The following RBFOX3 variants were observed in gnomAD, a reference collection of about 807,000 sequenced individuals.
RBFOX3 encodes RNA binding fox-1 homolog 3.
A neutral mutation model predicts 48.7 loss-of-function variants in RBFOX3; 17 were observed. The observed-to-expected ratio is 0.35, with a 90% CI of 0.24 to 0.52. The LOEUF (loss-of-function observed/expected upper bound fraction) is 0.52, where lower values mean the gene tolerates loss of function less well. Among genes scored for constraint, RBFOX3 ranks in the 20% least tolerant of loss-of-function variants. The pLI, the probability that RBFOX3 is intolerant of heterozygous loss-of-function variation, is 0.94. For missense variants in RBFOX3, 382 were observed against 497.5 expected, an observed-to-expected ratio of 0.77 and a Z score of 2.21; for synonymous variants, 212 against 209.5, an observed-to-expected ratio of 1.01 and a Z score of -0.10.
intron 4 of RBFOX3, among the ~76,000 whole-genome samples, chr17:79,222,634 A>G (rs1236494773): frequency 1.3e-5 from 2 of 152,200 alleles, no homozygotes; most frequent in Non-Finnish European, 2.9e-5. Flanking sequence ...CAGGACGACA[A>G]TGCCCACCAG....
intron 2 of RBFOX3, among the ~76,000 whole-genome samples, chr17:79,337,991 C>T (rs4994053): frequency 0.86 from 129,358 of 150,746 alleles, 55,626 homozygotes; most frequent in Non-Finnish European, 0.89. Context: ...CAGGTTGGAG[C>T]GCAGTGGCGC....
At chr17:79,470,067 T>C (rs2076870771) in intron 2 of RBFOX3, among the ~76,000 whole-genome samples, 1 of 152,012 alleles carries the variant, frequency 6.6e-6, no homozygotes. Flanking sequence ...ACAGGTGCCT[T>C]GGAGGAGAGG....
At chr17:79,266,145 G>A (rs1175018523) in intron 3 of RBFOX3, among the ~76,000 whole-genome samples, 1 of 152,176 alleles carries the variant, frequency 6.6e-6, no homozygotes, top group East Asian at 1.9e-4. Flanking sequence ...AATGGGAAAA[G>A]ACCCTGGTTA....
intron 2 of RBFOX3, among the ~76,000 whole-genome samples, chr17:79,450,736 A>G (rs2073328698): frequency 6.6e-6 from 1 of 152,138 alleles, no homozygotes. Flanking sequence ...TACACTACTG[A>G]AGATCAGGAG....
intron 1 of RBFOX3, among the ~76,000 whole-genome samples, chr17:79,534,615 T>C (rs2088385285): frequency 6.6e-6 from 1 of 152,138 alleles, no homozygotes; most frequent in Non-Finnish European, 1.5e-5. Flanking sequence ...TGAAGCTTGG[T>C]AGCAAATCCA....
intron 2 of RBFOX3, among the ~76,000 whole-genome samples, chr17:79,388,589 G>C (rs1248209762): frequency 6.6e-6 from 1 of 152,176 alleles, no homozygotes; most frequent in African/African-American, 2.4e-5. Flanking sequence ...AGCTGGCTCT[G>C]AGCGCCCCTG....
the RBFOX3 span, among the ~76,000 whole-genome samples, chr17:79,637,520 C>G: frequency 1.3e-5 from 2 of 151,626 alleles, no homozygotes; most frequent in Non-Finnish European, 2.9e-5. Flanking sequence ...ATGGTGAAAC[C>G]CCGTTTCTAT....
Position 79,571,893 on chromosome 17 carries a change from C to T in RBFOX3, c.-320+38933G>A, listed in dbSNP as rs965929743. 7.9e-5 allele frequency among the ~76,000 whole-genome samples: 12 copies of T among 152,290 alleles called. No individual in the cohort carries two copies. The South Asian group carries it at 2.5e-3, about 32-fold the overall frequency. ...GGGCAGAAGACTGTGCCTATGAGCACCCCGGGTGTGGCCTGCTCACCTCCC... is the reference window on the plus strand; with the variant it reads ...GGGCAGAAGACTGTGCCTATGAGCATCCCGGGTGTGGCCTGCTCACCTCCC... On this transcript the variant is annotated intron_variant, in intron 1 of 14. Coordinates refer to ENST00000693108, the MANE Select transcript of RBFOX3 (RefSeq NM_001350451.2).
intron 1 of RBFOX3, among the ~76,000 whole-genome samples, chr17:79,521,757 A>T (rs2086142089): frequency 6.6e-6 from 1 of 152,236 alleles, no homozygotes; most frequent in Non-Finnish European, 1.5e-5. Flanking sequence ...ATACACAAAT[A>T]CATAGACGCA....
chr17:79,242,116 T>A lies in RBFOX3; in HGVS notation c.-73-6311A>T, dbSNP rs528310127. On this transcript the variant is annotated intron_variant, in intron 3 of 14. Transcript: ENST00000693108. This position sits in a 1 kb window ranked among gnomAD's most constrained non-coding sequence, Gnocchi z 5.8. ...TAGTTTATGGTCAGAGTAGATTTAT[T>A]TGGCATTGTACGAGTTCCTGCAGCA... 1.3e-5 allele frequency among the ~76,000 whole-genome samples: 2 copies of A among 152,212 alleles called. No individual in the cohort carries two copies. The highest frequency in any genetic ancestry group is 1.3e-4 in the Admixed American group (2 of 15,286).
intron 2 of RBFOX3, among the ~76,000 whole-genome samples, chr17:79,309,165 A>AAT (rs2076499586): frequency 2.0e-5 from 3 of 151,936 alleles, no homozygotes; most frequent in African/African-American, 7.2e-5. Flanking sequence ...ACATCTTGTT[A>AAT]TAGCAGCCCC....
intron 2 of RBFOX3, among the ~76,000 whole-genome samples, chr17:79,310,977 A>T (rs1432234614): frequency 6.6e-6 from 1 of 152,126 alleles, no homozygotes; most frequent in Non-Finnish European, 1.5e-5. Context: ...GTACTTGGTA[A>T]GTGTGGCTAA....
chr17:79,152,303 C>T (rs1254050247), intron 4 of RBFOX3, among the ~76,000 whole-genome samples: 2 of 152,176 alleles, frequency 1.3e-5, no homozygotes, highest in South Asian at 2.1e-4. Context: ...AGCCCATCCT[C>T]AGTGAAGCTG....
At chr17:79,095,072 A>G (rs2074911413) in intron 13 of RBFOX3, among the ~76,000 whole-genome samples, 1 of 151,986 alleles carries the variant, frequency 6.6e-6, no homozygotes, top group African/African-American at 2.4e-5. Context: ...AGGGAGATGG[A>G]GCCGGGGCTG....
chr17:79,527,601 C>T (rs1428627078), intron 1 of RBFOX3, among the ~76,000 whole-genome samples: 2 of 152,192 alleles, frequency 1.3e-5, no homozygotes, highest in African/African-American at 2.4e-5. Flanking sequence ...TATTTCTATA[C>T]ATTATTCCCT....
At chr17:79,585,219 C>T (rs2093209064) in intron 1 of RBFOX3, among the ~76,000 whole-genome samples, 2 of 152,154 alleles carry the variant, frequency 1.3e-5, no homozygotes, top group Non-Finnish European at 2.9e-5. Context: ...CCAAACACCA[C>T]CTGTTCCCCA....
rs969082078 is a variant in RBFOX3, at chr17:79,264,174, C to A, written c.-73-28369G>T. Among the ~76,000 whole-genome samples the A allele has an allele frequency of 2.9e-4, 44 of 151,434 alleles. 1 individual carries two copies. The highest frequency in any genetic ancestry group is 5.3e-4 in the Non-Finnish European group (36 of 67,936). On this transcript the variant is annotated intron_variant, in intron 3 of 14. Transcript: ENST00000693108. Reference sequence around the variant, plus strand: ...GTGGTGCGATTTCAGCTCCCGGATTCAAGTGATTCTCATCCCTCGGCCTCC... The same window carrying A: ...GTGGTGCGATTTCAGCTCCCGGATTAAAGTGATTCTCATCCCTCGGCCTCC...
At chr17:79,240,643 GT>G (rs2062221791) in intron 3 of RBFOX3, among the ~76,000 whole-genome samples, 1 of 152,162 alleles carries the variant, frequency 6.6e-6, no homozygotes, top group South Asian at 2.1e-4. Context: ...CTCCTGGTCT[GT>G]TTCACTTTAT....
intron 4 of RBFOX3, among the ~76,000 whole-genome samples, chr17:79,153,433 A>G (rs1217315856): frequency 6.6e-6 from 1 of 152,200 alleles, no homozygotes; most frequent in Non-Finnish European, 1.5e-5. Context: ...TGGTGGGGTG[A>G]TAACAGGTGT....
Sources: allele counts gnomAD v4.1 joint callset (sites outside exome capture counted in the v4.1 genomes callset), GRCh38; gene constraint gnomAD v4.1.1; non-coding constraint Gnocchi (gnomAD v3.1); transcripts MANE v1.5; gene names NCBI Gene and HGNC (gene_info 2026-07-23, HGNC 2026-07-21).